Variants in PDGFRA observed in about 807,000 individuals in gnomAD.
PDGFRA encodes platelet derived growth factor receptor alpha, also known as platelet-derived growth factor receptor alpha.
A neutral mutation model predicts 121.5 loss-of-function variants in PDGFRA; 25 were observed. That is an observed-to-expected ratio of 0.21 (90% CI 0.15 to 0.29). The LOEUF (loss-of-function observed/expected upper bound fraction) is 0.29, where lower values mean the gene tolerates loss of function less well. Among genes scored for constraint, PDGFRA ranks in the 10% least tolerant of loss-of-function variants. PDGFRA has a pLI of 1.00. For missense variants in PDGFRA, 1,008 were observed against 1,345.1 expected (o/e 0.75, Z 3.92); for synonymous variants, 463 against 494.8 (o/e 0.94, Z 0.85).
intron 1 of PDGFRA, among the ~76,000 whole-genome samples, chr4:54,247,482 C>CT (rs1210092170): frequency 6.6e-6 from 1 of 152,102 alleles, no homozygotes; most frequent in Non-Finnish European, 1.5e-5. Context: ...ATGATTATCT[C>CT]AATAGATGCA....
chr4:54,281,087 A>G (rs542396579), intron 16 of PDGFRA, among the ~76,000 whole-genome samples: 1 of 152,306 alleles, frequency 6.6e-6, no homozygotes, highest in South Asian at 2.1e-4. Context: ...TCTGTTTTTC[A>G]AGTACATGAA....
chr4:54,270,043 T>C (rs1253438171), intron 7 of PDGFRA, among the ~76,000 whole-genome samples: 1 of 152,108 alleles, frequency 6.6e-6, no homozygotes, highest in Non-Finnish European at 1.5e-5. Flanking sequence ...ACTGTACTCC[T>C]GTCCCCAGCT....
At chr4:54,276,005 A>G (rs1053711938) in intron 12 of PDGFRA, among the ~76,000 whole-genome samples, 1 of 152,194 alleles carries the variant, frequency 6.6e-6, no homozygotes, top group Non-Finnish European at 1.5e-5. Context: ...CAAGATTAGA[A>G]AGTATGGTTT....
chr4:54,274,389 TCCCTAAAATGAACCAGGCAG>T, intron 10 of PDGFRA, 122 bp from the exon 11 acceptor site: 1 of 709,362 alleles, frequency 1.4e-6, no homozygotes, highest in Non-Finnish European at 2.6e-6. Flanking sequence ...GTACTGCCTA[TCCCTAAAATGAACCAGGCAG>T]CCCTCACACT....
intron 1 of PDGFRA, among the ~76,000 whole-genome samples, chr4:54,253,330 A>G (rs1347221044): frequency 2.0e-5 from 3 of 152,196 alleles, no homozygotes; most frequent in African/African-American, 7.2e-5. Context: ...AACCAATCAG[A>G]CCTTACTAGT....
intron 16 of PDGFRA, 138 bp from the exon 17 acceptor site, chr4:54,285,233 G>C: frequency 1.5e-6 from 1 of 672,796 alleles, no homozygotes; most frequent in Non-Finnish European, 2.7e-6. Context: ...TTTGCATAGT[G>C]ATATTCATCT....
intron 5 of PDGFRA, among the ~76,000 whole-genome samples, chr4:54,265,813 A>G (rs1038979511): frequency 5.3e-5 from 8 of 152,194 alleles, no homozygotes; most frequent in Admixed American, 5.2e-4. Flanking sequence ...AATGACTAAT[A>G]TTCTTATGGA....
intron 9 of PDGFRA, among the ~76,000 whole-genome samples, chr4:54,272,978 A>C (rs1016214833): frequency 6.6e-6 from 1 of 152,232 alleles, no homozygotes; most frequent in Non-Finnish European, 1.5e-5. Flanking sequence ...GGTTGTGTTC[A>C]GAAGCCTCAG....
chr4:54,261,926 TATA>T (rs1419687858), intron 3 of PDGFRA, among the ~76,000 whole-genome samples: 20 of 75,752 alleles, frequency 2.6e-4, no homozygotes, highest in Admixed American at 6.7e-4. Flanking sequence ...TATATATATA[TATA>T]TATTTTTTTT....
Position 54,273,608 on chromosome 4 carries a change from G to A in PDGFRA, c.1436G>A (p.Arg479Gln), listed in dbSNP as rs777341485. Reference sequence around the variant, plus strand: ...AACATCATCACGGAGATCCACTCCCGAGACAGGAGTACCGTGGAGGGCCGT... The same window carrying A: ...AACATCATCACGGAGATCCACTCCCAAGACAGGAGTACCGTGGAGGGCCGT... ...VSNIITEIHS[R>Q]DRSTVEGRVT... Residue 479 changes from arginine (R) to glutamine (Q), a missense_variant, in exon 10 of 23, where the codon CGA becomes CAA. Physicochemically the swap from Arg to Gln is conservative, Grantham distance 43. Around this residue, in one of 5 missense-constraint regions of PDGFRA, gnomAD observed 575 missense variants for 701.8 expected, o/e 0.82. Transcript: ENST00000257290. 2.6e-5 allele frequency: 42 copies of A among 1,613,954 alleles called. 1 individual carries two copies. Among genetic ancestry groups the A allele is most frequent in the African/African-American group, 1.2e-4 (9 of 74,902 alleles).
intron 7 of PDGFRA, among the ~76,000 whole-genome samples, chr4:54,269,175 A>G (rs1489411919): frequency 6.6e-6 from 1 of 152,158 alleles, no homozygotes; most frequent in African/African-American, 2.4e-5. Flanking sequence ...TACTCTCTTA[A>G]GGAAATCCAG....
At chr4:54,264,013 T>A (rs1384255163) in intron 4 of PDGFRA, 86 bp downstream of exon 4, 12 of 1,143,928 alleles carry the variant, frequency 1.0e-5, no homozygotes, top group East Asian at 2.4e-5. Context: ...TTTTTTTAAA[T>A]CATCATCACT....
chr4:54,244,907 A>G (rs1251958614), intron 1 of PDGFRA, among the ~76,000 whole-genome samples: 1 of 152,234 alleles, frequency 6.6e-6, no homozygotes, highest in African/African-American at 2.4e-5. Context: ...AGGCTCAAGA[A>G]CTACATGAAG....
intron 14 of PDGFRA, 120 bp from the exon 15 acceptor site, chr4:54,278,242 A>G: frequency 1.1e-5 from 7 of 659,540 alleles, no homozygotes; most frequent in East Asian, 2.8e-5. Flanking sequence ...AAAAAAAAAA[A>G]AAAAAAAAAA....
At chr4:54,272,002 C>T (rs1320567346) in intron 8 of PDGFRA, among the ~76,000 whole-genome samples, 30 of 62,824 alleles carry the variant, frequency 4.8e-4, no homozygotes, top group African/African-American at 1.9e-3. Context: ...CCCCCTCCCC[C>T]CCTCCCCTCC....
chr4:54,287,646 G>A (rs1167054329), intron 19 of PDGFRA, 105 bp downstream of exon 19: 2 of 749,424 alleles, frequency 2.7e-6, no homozygotes, highest in Non-Finnish European at 2.5e-6. Flanking sequence ...AGATAACCTG[G>A]TGTGAGGCCA....
chr4:54,257,752 AAG>A (rs1722452319), intron 1 of PDGFRA, among the ~76,000 whole-genome samples: 1 of 152,192 alleles, frequency 6.6e-6, no homozygotes, highest in Non-Finnish European at 1.5e-5. Flanking sequence ...GTGAATGGGG[AAG>A]AGATAAAGAA....
At chr4:54,264,077 G>A in intron 4 of PDGFRA, 150 bp downstream of exon 4, 1 of 683,742 alleles carries the variant, frequency 1.5e-6, no homozygotes, top group Non-Finnish European at 2.5e-6. Flanking sequence ...TACAATGTCT[G>A]TGGCTATAAT....
rs1385734118 is a variant in PDGFRA at position 54,288,818 on chromosome 4, C to G, written c.2694C>G (p.Gly898=). ...IFSLGGTPYP[G]MMVDSTFYNK... is the part of the protein sequence containing the mutation. ...TTTTAGGTGGCACCCCTTACCCCGGCATGATGGTGGATTCTACTTTCTACA... is the reference window on the plus strand; with the variant it reads ...TTTTAGGTGGCACCCCTTACCCCGGGATGATGGTGGATTCTACTTTCTACA... The change falls in exon 20 of 23, where the codon GGC becomes GGG. Residue 898 remains glycine (G), a synonymous_variant. Coordinates refer to ENST00000257290, the MANE Select transcript of PDGFRA (RefSeq NM_006206.6). 1.2e-6 allele frequency: 2 copies of G among 1,611,994 alleles called. No individual in the cohort carries two copies. Among genetic ancestry groups the G allele is most frequent in the South Asian group, 1.1e-5 (1 of 91,052 alleles).
Sources: allele counts gnomAD v4.1 joint callset (sites outside exome capture counted in the v4.1 genomes callset), GRCh38; gene constraint gnomAD v4.1.1; regional missense constraint gnomAD v4.1.1; transcripts MANE v1.5; gene names NCBI Gene and HGNC (gene_info 2026-07-23, HGNC 2026-07-21).